The following TFAP2A variants were observed in gnomAD, a reference collection of about 807,000 sequenced individuals.
TFAP2A encodes transcription factor AP-2 alpha.
Under a neutral mutation model 41.5 loss-of-function variants are expected in TFAP2A, and 7 were observed. The observed-to-expected ratio is 0.17, with a 90% CI of 0.10 to 0.32. The LOEUF (loss-of-function observed/expected upper bound fraction) is 0.32. Among genes scored for constraint, TFAP2A ranks in the 10% least tolerant of loss-of-function variants. The pLI is 1.00. For missense variants in TFAP2A, 416 were observed against 563.3 expected, an observed-to-expected ratio of 0.74 and a Z score of 2.65; for synonymous variants, 247 against 242.8, an observed-to-expected ratio of 1.02 and a Z score of -0.16.
At position 10,414,591 on chromosome 6, in the gene TFAP2A, G is replaced by T. The variant is rs183414102; in HGVS notation, c.51+350C>A. ...CCTGGTGACTTGGGCCCTCAATCTC[G>T]ATGAAGATAACACGAGGAGTGCACA... On this transcript the variant is annotated intron_variant, in intron 1 of 6. Coordinates refer to ENST00000379613, the MANE Select transcript of TFAP2A (RefSeq NM_001372066.1). The T allele has an allele frequency of 8.7e-4, 406 of 464,758 alleles. 5 individuals are homozygous for T. The highest frequency in any genetic ancestry group is 5.5e-3 in the Middle Eastern group (9 of 1,648). 28.8% of individuals were successfully genotyped at this position (464,758 alleles called of 1,614,324 possible).
Position 10,397,864 on chromosome 6 carries a change from T to C in TFAP2A, c.*553A>G, listed in dbSNP as rs1761834283. 2 of 987,506 alleles carry C rather than the reference T, an allele frequency of 2.0e-6. No individual in the cohort carries two copies. Among genetic ancestry groups the C allele is most frequent in the Non-Finnish European group, 2.4e-6 (2 of 831,614 alleles). 61.2% of individuals were successfully genotyped at this position (987,506 alleles called of 1,614,324 possible). ...CATGACATGGAACTTCGTGTATTTG[T>C]GTTCAAGTTTATTCACAATACTGAT... On this transcript the variant is annotated 3_prime_UTR_variant, in exon 7 of 7. Coordinates refer to ENST00000379613, the MANE Select transcript of TFAP2A (RefSeq NM_001372066.1).
intron 1 of TFAP2A, chr6:10,411,432 G>T: frequency 7.1e-7 from 1 of 1,409,338 alleles, no homozygotes; most frequent in Non-Finnish European, 1.0e-6. Context: ...GCGGAAGGTG[G>T]GGTGGGGGAT....
intron 2 of TFAP2A, chr6:10,409,076 G>A (rs1757837532): frequency 6.6e-6 from 1 of 152,200 alleles, no homozygotes; most frequent in Non-Finnish European, 1.5e-5. Flanking sequence ...AGAGGTACTG[G>A]TTTAAGTTTA....
intron 4 of TFAP2A, among the ~76,000 whole-genome samples, chr6:10,403,370 G>A (rs1757508387): frequency 6.6e-6 from 1 of 152,164 alleles, no homozygotes; most frequent in Non-Finnish European, 1.5e-5. Context: ...ATGGGGGAAG[G>A]GAAGGAAAAA....
At position 10,396,725 on chromosome 6, in the gene TFAP2A, T is replaced by C. The variant is rs1035936230; in HGVS notation, c.*1692A>G. On this transcript the variant is annotated 3_prime_UTR_variant, in exon 7 of 7. Transcript: ENST00000379613. ...TATTTTTAATAATAAAATTAATGTT[T>C]CTAGTAAGGAAAAGACAGTATGTCA... 2.0e-5 allele frequency: 3 copies of C among 152,554 alleles called. No individual in the cohort carries two copies. Among genetic ancestry groups the C allele is most frequent in the African/African-American group, 7.2e-5 (3 of 41,438 alleles). 9.5% of individuals were successfully genotyped at this position (152,554 alleles called of 1,614,324 possible). A position where few individuals can be genotyped will look rare whatever the true frequency, so the allele number is the denominator to read the frequency against.
chr6:10,410,041 G>A lies in TFAP2A; in HGVS notation c.346C>T (p.Leu116=), dbSNP rs563009991. ...ESGLLHTHRG[L]PHQLSGLDPR... ...TCCAGGCCCGACAGCTGGTGAGGCA[G>A]CCCCCGGTGCGTGTGCAGGAGCCCA... Residue 116 remains leucine, a synonymous_variant, in exon 2 of 7, where the codon CTG becomes TTG. Coordinates refer to ENST00000379613, the MANE Select transcript of TFAP2A (RefSeq NM_001372066.1). 143 of 1,612,788 alleles carry A rather than the reference G, an allele frequency of 8.9e-5. No homozygotes were observed. In the East Asian group the frequency reaches 2.7e-3, roughly 30 times the overall value.
chr6:10,407,738 C>G (rs769959170), intron 2 of TFAP2A: 1 of 152,176 alleles, frequency 6.6e-6, no homozygotes, highest in Non-Finnish European at 1.5e-5. Flanking sequence ...CTTTGTCCAA[C>G]AATAATACTG....
Position 10,411,601 on chromosome 6 carries a change from G to A in TFAP2A, c.52-1266C>T, listed in dbSNP as rs371745919. The A allele has an allele frequency of 4.3e-6, 7 of 1,613,876 alleles. No homozygotes were observed. In the East Asian group the frequency reaches 6.7e-5, roughly 15 times the overall value. Reference sequence around the variant, plus strand: ...TGAAAAACTGTGAACTAACATCTGCGAAGAGTCTGGGGTAACGAGTCAGGG... The same window carrying A: ...TGAAAAACTGTGAACTAACATCTGCAAAGAGTCTGGGGTAACGAGTCAGGG... On this transcript the variant is annotated intron_variant, in intron 1 of 6. Transcript: ENST00000379613.
At chr6:10,416,350 C>T (rs1451606349), upstream of TFAP2A, 1 of 151,606 alleles carries the variant, frequency 6.6e-6, no homozygotes, top group Non-Finnish European at 1.5e-5. Context: ...TCAGTCCGGG[C>T]TTTTGGACTC....
At chr6:10,404,815 C>T (rs1757629084) in intron 3 of TFAP2A, 76 bp from the exon 4 acceptor site, 3 of 1,377,982 alleles carry the variant, frequency 2.2e-6, no homozygotes, top group Non-Finnish European at 2.1e-6. Flanking sequence ...CGGCCCTCAT[C>T]CCGGCCAGGG....
chr6:10,417,322 T>G (rs1758282436), upstream of TFAP2A: 1 of 152,278 alleles, frequency 6.6e-6, no homozygotes, highest in South Asian at 2.1e-4. Flanking sequence ...CTGGGGCTGC[T>G]AAACTGTTGT....
chr6:10,415,334 C>A, upstream of TFAP2A: 6 of 1,236,574 alleles, frequency 4.9e-6, no homozygotes, highest in Non-Finnish European at 6.3e-6. Context: ...AACAATAGTC[C>A]AATTGCTCGC....
intron 1 of TFAP2A, chr6:10,411,632 A>G: frequency 1.2e-6 from 2 of 1,613,648 alleles, no homozygotes; most frequent in South Asian, 1.1e-5. Flanking sequence ...CAGGGTGGAA[A>G]AAAACAAGCA....
At chr6:10,402,699 T>C in intron 4 of TFAP2A, 89 bp from the exon 5 acceptor site, 7 of 1,046,726 alleles carry the variant, frequency 6.7e-6, no homozygotes, top group East Asian at 2.4e-5. Flanking sequence ...CTTCCTAAAA[T>C]GTGCTTTCAA....
In TFAP2A at chr6:10,398,478, G is replaced by A. The variant is rs867726953; in HGVS notation, c.1259C>T (p.Pro420Leu). The A allele has an allele frequency of 6.2e-7, 1 of 1,614,224 alleles. No homozygotes were observed. The highest frequency in any genetic ancestry group is 8.5e-7 in the Non-Finnish European group (1 of 1,180,040). ...GGCGTTGTTGTCCGTGTGGCTGTTG[G>A]GGTTGTTGCTGAGGTACATTTTGTC... is the stretch of plus-strand genomic sequence containing the variant. ...AMDKMYLSNN[P>L]NSHTDNNAKS... The change falls in exon 7 of 7, where the codon CCC (proline) becomes CTC (leucine). Residue 420 changes from proline to leucine, a missense_variant. Pro to Leu is a moderately conservative substitution (Grantham distance 98). Transcript: ENST00000379613. The surrounding 1 kb of genome is among the most constrained non-coding windows in gnomAD (Gnocchi z 5.3).
At chr6:10,400,690 G>T (rs759862495) in intron 5 of TFAP2A, 101 bp from the exon 6 acceptor site, 5 of 1,373,630 alleles carry the variant, frequency 3.6e-6, no homozygotes, top group Admixed American at 1.7e-5. Context: ...CACCCCAGAT[G>T]TTGCAGGAAA....
In TFAP2A at chr6:10,404,342, A is replaced by T. The variant is rs529951526; in HGVS notation, c.770+166T>A. On this transcript the variant is annotated intron_variant, in intron 4 of 6. Transcript: ENST00000379613. ...CCGCATCGCCCGCTCCCCCGCCCCC[A>T]GATCCCGCCCACTTGGCTCTACGCT... Among the ~76,000 whole-genome samples the T allele has an allele frequency of 8.5e-5, 12 of 141,922 alleles. No individual in the cohort carries two copies. In the East Asian group the frequency reaches 2.6e-3, roughly 31 times the overall value. The allele number at this position is 141,922 out of a possible 152,430, so 93.1% of individuals were successfully genotyped here.
Position 10,413,899 on chromosome 6 carries a change from C to T in TFAP2A, c.51+1042G>A, listed in dbSNP as rs546249041. 1.4e-4 allele frequency among the ~76,000 whole-genome samples: 21 copies of T among 152,228 alleles called. No individual in the cohort carries two copies. The East Asian group carries it at 3.3e-3, about 24-fold the overall frequency. On this transcript the variant is annotated intron_variant, in intron 1 of 6. Coordinates refer to ENST00000379613, the MANE Select transcript of TFAP2A (RefSeq NM_001372066.1). Reference sequence around the variant, plus strand: ...AAAAAAACAGCAAAAGTTGGGACTGCCACCTATTTATTTAGGTAATCTCCA... The same window carrying T: ...AAAAAAACAGCAAAAGTTGGGACTGTCACCTATTTATTTAGGTAATCTCCA...
chr6:10,411,630 A>G (rs1308689633), intron 1 of TFAP2A: 22 of 1,613,324 alleles, frequency 1.4e-5, no homozygotes, highest in Non-Finnish European at 1.8e-5. Flanking sequence ...GTCAGGGTGG[A>G]AAAAAACAAG....
Sources: gnomAD v4.1 joint callset for allele counts (sites outside exome capture counted in the v4.1 genomes callset) on GRCh38, gnomAD v4.1.1 for gene constraint, Gnocchi (gnomAD v3.1) non-coding constraint, MANE v1.5 for transcripts, NCBI Gene and HGNC (gene_info 2026-07-23, HGNC 2026-07-21) for gene names.